The following EEF1A2 variants were observed in gnomAD, a reference collection of about 807,000 sequenced individuals.
EEF1A2 encodes elongation factor 1-alpha 2.
EEF1A2 carries 5 observed loss-of-function variants against 39.3 expected under a neutral mutation model. The observed-to-expected ratio is 0.13, with a 90% confidence interval of 0.07 to 0.27. EEF1A2 has a LOEUF of 0.27. Among genes scored for constraint, EEF1A2 ranks in the 10% least tolerant of loss-of-function variants. The pLI is 1.00. For missense variants in EEF1A2, 218 were observed against 681.4 expected, an observed-to-expected ratio of 0.32 and a Z score of 7.57; for synonymous variants, 287 against 293.7, an observed-to-expected ratio of 0.98 and a Z score of 0.23.
chr20:63,489,202 G>C, intron 6 of EEF1A2, 50 bp from the exon 7 acceptor site: 1 of 1,575,974 alleles, frequency 6.3e-7, no homozygotes, highest in East Asian at 2.3e-5. Context: ...GGTGGGCACC[G>C]GGAGGGCGCC....
At chr20:63,499,021 G>C (rs1023695221) in intron 1 of EEF1A2, 37 bp downstream of exon 1, 1 of 149,922 alleles carries the variant, frequency 6.7e-6, no homozygotes, top group Non-Finnish European at 1.5e-5. Context: ...CGGAAGACGG[G>C]GGCGGGGGCG....
chr20:63,496,331 T>A (rs1415906163), intron 2 of EEF1A2: 1 of 452,424 alleles, frequency 2.2e-6, no homozygotes, highest in Non-Finnish European at 4.0e-6. Context: ...AGCCGCCAGA[T>A]GGGATAAACC....
chr20:63,492,156 GGATGGATGTATGGGTGGGTA>G (rs2082386317), intron 5 of EEF1A2, among the ~76,000 whole-genome samples: 1 of 112 alleles, frequency 8.9e-3, no homozygotes, highest in Admixed American at 0.12. Flanking sequence ...GGAGGTGGAT[GGATGGATGTATGGGTGGGTA>G]GGTGGGTGGA....
rs759770756 is a variant in EEF1A2, at chr20:63,490,506, C to T, written c.1002G>A (p.Pro334=). 2.9e-5 allele frequency: 46 copies of T among 1,610,630 alleles called. No homozygotes were observed. Among genetic ancestry groups the T allele is most frequent in the Non-Finnish European group, 3.6e-5 (42 of 1,178,504 alleles). ...GGGAGGTGAACTGAGCAGCCTCCTG[C>T]GGCGGGTCAGACTTGCTGTCCCCAC... ...NVCGDSKSDP[P]QEAAQFTSQV... is the part of the protein sequence containing the mutation. The change falls in exon 6 of 8, where the codon CCG becomes CCA. Residue 334 remains proline (P), a synonymous_variant. Transcript: ENST00000217182.
chr20:63,496,153 C>T (rs938400117), intron 2 of EEF1A2, 118 bp from the exon 3 acceptor site: 26 of 1,249,872 alleles, frequency 2.1e-5, no homozygotes, highest in Non-Finnish European at 2.8e-5. Flanking sequence ...CTCCAGCACC[C>T]CCTTGCTCTC....
chr20:63,493,600 C>T (rs1003579392), intron 4 of EEF1A2, among the ~76,000 whole-genome samples: 4 of 152,246 alleles, frequency 2.6e-5, no homozygotes, highest in Non-Finnish European at 5.9e-5. Context: ...ACCCCGGGCC[C>T]CTGACCATCA....
intron 5 of EEF1A2, 111 bp from the exon 6 acceptor site, chr20:63,490,846 A>G (rs1879165647): frequency 1.5e-6 from 2 of 1,348,066 alleles, no homozygotes; most frequent in South Asian, 2.7e-5. Context: ...GATCCCCCCG[A>G]CAGGCCTGGG....
rs1405994913 is a variant in EEF1A2 at position 63,492,218 on chromosome 20, A to G, written c.772+919T>C. On this transcript the variant is annotated intron_variant, in intron 5 of 7. Transcript: ENST00000217182. ...GATGGATGGATGGATGGATAAATGG[A>G]TGGATGGAAGGATGGATGGATAGGT... 2.0e-5 allele frequency among the ~76,000 whole-genome samples: 3 copies of G among 149,148 alleles called. 1 individual carries two copies. The highest frequency in any genetic ancestry group is 2.0e-4 in the Admixed American group (3 of 14,986).
At position 63,497,355 on chromosome 20, in the gene EEF1A2, T is replaced by G; in HGVS notation, c.144+265A>C. The G allele has an allele frequency of 4.9e-6, 2 of 411,548 alleles. No individual in the cohort carries two copies. The allele number at this position is 411,548 out of a possible 1,614,324, so 25.5% of individuals were successfully genotyped here. The stretch of plus-strand genomic sequence containing the variant: ...TCAACATGGCAGAGTTCCAGAGCCT[T>G]CTGCAGACCCTCCCAGGTCACCTCC... On this transcript the variant is annotated intron_variant, in intron 2 of 7. Coordinates refer to ENST00000217182, the MANE Select transcript of EEF1A2 (RefSeq NM_001958.5). This position sits in a 1 kb window ranked among gnomAD's most constrained non-coding sequence, Gnocchi z 7.3.
intron 2 of EEF1A2, 98 bp from the exon 3 acceptor site, chr20:63,496,133 G>T: frequency 1.4e-6 from 2 of 1,419,640 alleles, no homozygotes; most frequent in Non-Finnish European, 9.6e-7. Context: ...CGCGAGAGGC[G>T]GGAGATGGGC....
In EEF1A2 at chr20:63,495,791, C is replaced by T. The variant is rs567455928; in HGVS notation, c.324+65G>A. ...CCTACCATCCCAGTGACCCCAGGGG[C>T]CCCCAGTGTCCCTTGAAGGGTGCAG... On this transcript the variant is annotated intron_variant, in intron 3 of 7. Transcript: ENST00000217182. 104 of 1,571,422 alleles carry T rather than the reference C, an allele frequency of 6.6e-5. 1 individual carries two copies. In the East Asian group the frequency reaches 2.3e-3, roughly 35 times the overall value.
rs1353445024 is a variant in EEF1A2, at chr20:63,497,500, C to G, written c.144+120G>C. The G allele has an allele frequency of 3.4e-6, 5 of 1,479,840 alleles. No individual in the cohort carries two copies. The South Asian group carries it at 6.9e-5, about 20-fold the overall frequency. 91.7% of individuals were successfully genotyped at this position (1,479,840 alleles called of 1,614,324 possible). A position where few individuals can be genotyped will look rare whatever the true frequency, so the allele number is the denominator to read the frequency against. Reference sequence around the variant, plus strand: ...TGAGTGCCCCACAGCGGGGGTCCCTCCTGCCCTGGAGGAGGTCACCTGAGC... The same window carrying G: ...TGAGTGCCCCACAGCGGGGGTCCCTGCTGCCCTGGAGGAGGTCACCTGAGC... On this transcript the variant is annotated intron_variant, in intron 2 of 7. Coordinates refer to ENST00000217182, the MANE Select transcript of EEF1A2 (RefSeq NM_001958.5). The surrounding 1 kb of genome is among the most constrained non-coding windows in gnomAD (Gnocchi z 7.3).
intron 5 of EEF1A2, among the ~76,000 whole-genome samples, chr20:63,491,947 CGGAT>C: frequency 3.5e-5 from 1 of 28,486 alleles, no homozygotes; most frequent in Admixed American, 3.8e-4. Context: ...GATGGACGGA[CGGAT>C]GGGGAGGTGG....
intron 5 of EEF1A2, 134 bp from the exon 6 acceptor site, chr20:63,490,869 A>G (rs1305900809): frequency 9.3e-7 from 1 of 1,069,826 alleles, no homozygotes; most frequent in South Asian, 1.5e-5. Context: ...TTGGGGCCAC[A>G]TGGGCGGAGT....
Position 63,488,274 on chromosome 20 carries a change from G to T in EEF1A2, c.*24C>A. 1 of 1,168,878 alleles carries T rather than the reference G, an allele frequency of 8.6e-7. No homozygotes were observed. The highest frequency in any genetic ancestry group is 2.0e-5 in the South Asian group (1 of 50,496). The allele number at this position is 1,168,878 out of a possible 1,614,324, so 72.4% of individuals were successfully genotyped here. ...TTCGGAGCGCGGCACCGCCGGGGAGGGTCGCGCCGCGGGCGCCCGCGCTTC... is the reference window on the plus strand; with the variant it reads ...TTCGGAGCGCGGCACCGCCGGGGAGTGTCGCGCCGCGGGCGCCCGCGCTTC... On this transcript the variant is annotated 3_prime_UTR_variant, in exon 8 of 8. Transcript: ENST00000217182.
Position 63,489,129 on chromosome 20 carries a change from C to G in EEF1A2, c.1053G>C (p.Gly351=), listed in dbSNP as rs745348408. 6.2e-7 allele frequency: 1 copy of G among 1,612,674 alleles called. No homozygotes were observed. Among genetic ancestry groups the G allele is most frequent in the Non-Finnish European group, 8.5e-7 (1 of 1,179,900 alleles). The change falls in exon 7 of 8, where the codon GGG becomes GGC. Residue 351 remains glycine, a synonymous_variant. Transcript: ENST00000217182. ...TSQVIILNHP[G]QISAGYSPVI... ...CCGGGGAGTAGCCGGCGCTAATCTGCCCCGGGTGGTTCAGGATGATGACCT... is the reference window on the plus strand; with the variant it reads ...CCGGGGAGTAGCCGGCGCTAATCTGGCCCGGGTGGTTCAGGATGATGACCT...
chr20:63,490,624 T>G lies in EEF1A2; in HGVS notation c.884A>C (p.His295Pro), dbSNP rs1240979046. 1 of 1,612,732 alleles carries G rather than the reference T, an allele frequency of 6.2e-7. No homozygotes were observed. ...CAGAGCTTCGCTCAGAGCCTCGTGG[T>G]GCATCTCCACTGACTTCACCTCAGT... ...ITTEVKSVEM[H>P]HEALSEALPG... Residue 295 changes from histidine (H) to proline (P), a missense_variant, in exon 6 of 8, where the codon CAC (histidine) becomes CCC (proline). Physicochemically the swap from His to Pro is moderately conservative, Grantham distance 77. Transcript: ENST00000217182.
chr20:63,491,677 T>TGG (rs2082379384), intron 5 of EEF1A2, among the ~76,000 whole-genome samples: 2 of 118,830 alleles, frequency 1.7e-5, no homozygotes, highest in South Asian at 2.4e-4. Flanking sequence ...TGGATGGATG[T>TGG]ATGAATGGGG....
chr20:63,489,794 A>T (rs1433108555), intron 6 of EEF1A2, among the ~76,000 whole-genome samples: 4 of 152,114 alleles, frequency 2.6e-5, no homozygotes, highest in Non-Finnish European at 5.9e-5. Context: ...AAAAAAAAAT[A>T]AATAAATCAT....
Sources: gnomAD v4.1 joint callset for allele counts (sites outside exome capture counted in the v4.1 genomes callset) on GRCh38, gnomAD v4.1.1 for gene constraint, Gnocchi (gnomAD v3.1) non-coding constraint, MANE v1.5 for transcripts, NCBI Gene and HGNC (gene_info 2026-07-23, HGNC 2026-07-21) for gene names.